Variants in GLE1 observed in about 807,000 individuals in gnomAD.
The protein encoded by GLE1 is GLE1 RNA export mediator.
GLE1 carries 78 observed loss-of-function variants against 97.3 expected under a neutral mutation model. The observed-to-expected ratio is 0.80, with a 90% CI of 0.67 to 0.97. The LOEUF (loss-of-function observed/expected upper bound fraction) is 0.97, where lower values mean the gene tolerates loss of function less well. Among genes scored for constraint, GLE1 ranks in the 50% least tolerant of loss-of-function variants. The pLI is 0.00. For synonymous variants in GLE1, 302 were observed against 313.4 expected (o/e 0.96, Z 0.39); for missense variants, 753 against 857.5 (o/e 0.88, Z 1.52).
intron 15 of GLE1, 113 bp from the exon 16 acceptor site, chr9:128,540,989 C>T: frequency 2.6e-6 from 2 of 765,530 alleles, no homozygotes; most frequent in Admixed American, 1.8e-5. Flanking sequence ...CCTTTTTGTT[C>T]ACTGTTCCAT....
chr9:128,521,228 G>A (rs1847142963), intron 3 of GLE1, among the ~76,000 whole-genome samples: 1 of 152,056 alleles, frequency 6.6e-6, no homozygotes, highest in South Asian at 2.1e-4. Context: ...TTCTTTCGCT[G>A]GAAGCTTTAA....
At chr9:128,530,082 C>T (rs573046220) in intron 9 of GLE1, among the ~76,000 whole-genome samples, 24 of 152,272 alleles carry the variant, frequency 1.6e-4, no homozygotes, top group Admixed American at 3.3e-4. Flanking sequence ...AGGCATGAGC[C>T]ACTGTGCCCG....
At position 128,541,225 on chromosome 9, in the gene GLE1, C is replaced by T; in HGVS notation, c.*55C>T. 1.1e-6 allele frequency: 1 copy of T among 950,576 alleles called. No individual in the cohort carries two copies. The highest frequency in any genetic ancestry group is 2.1e-4 in the Middle Eastern group (1 of 4,792). The allele number at this position is 950,576 out of a possible 1,614,324, so 58.9% of individuals were successfully genotyped here. A position where few individuals can be genotyped will look rare whatever the true frequency, so the allele number is the denominator to read the frequency against. ...CTGCAAAGAGGCAATAATAAAGGAACTGAAGACAGCTGTATTTGGGAGAAG... is the reference window on the plus strand; with the variant it reads ...CTGCAAAGAGGCAATAATAAAGGAATTGAAGACAGCTGTATTTGGGAGAAG... On this transcript the variant is annotated 3_prime_UTR_variant, in exon 16 of 16. Coordinates refer to ENST00000309971, the MANE Select transcript of GLE1 (RefSeq NM_001003722.2).
intron 9 of GLE1, among the ~76,000 whole-genome samples, chr9:128,532,209 C>CTTTTTTTT (rs1160924908): frequency 4.1e-5 from 2 of 49,358 alleles, no homozygotes; most frequent in African/African-American, 7.7e-5. Context: ...ATCTGCTTTG[C>CTTTTTTTT]TTTTTTTTTT....
intron 11 of GLE1, 139 bp downstream of exon 11, chr9:128,534,090 G>A (rs946714478): frequency 1.1e-5 from 8 of 727,498 alleles, no homozygotes; most frequent in African/African-American, 5.2e-5. Flanking sequence ...TCTTTCGGCC[G>A]GGTGCAGTGG....
chr9:128,536,862 C>A, intron 12 of GLE1: 1 of 218,106 alleles, frequency 4.6e-6, no homozygotes, highest in Admixed American at 5.2e-5. Context: ...GCTCAGAAAG[C>A]TGCAGCTGGG....
intron 7 of GLE1, among the ~76,000 whole-genome samples, chr9:128,526,319 C>T (rs1011463597): frequency 1.3e-5 from 2 of 151,744 alleles, no homozygotes; most frequent in Non-Finnish European, 2.9e-5. Flanking sequence ...CGCACCCAGC[C>T]TGGGAGTCTA....
At chr9:128,521,377 T>A (rs1166417443) in intron 3 of GLE1, among the ~76,000 whole-genome samples, 1 of 151,752 alleles carries the variant, frequency 6.6e-6, no homozygotes, top group African/African-American at 2.4e-5. Flanking sequence ...CTATAAAAAA[T>A]TTAAAAATTA....
chr9:128,541,014 G>A lies in GLE1; in HGVS notation c.2029-88G>A, dbSNP rs950936367. The A allele has an allele frequency of 1.5e-5, 12 of 824,344 alleles. No individual in the cohort carries two copies. The African/African-American group carries it at 1.8e-4, about 13-fold the overall frequency. 51.1% of individuals were successfully genotyped at this position (824,344 alleles called of 1,614,324 possible). ...CACTGTTCCATAGGGCTGAAATATG[G>A]TGTTCCTCAAAGCTTCTTTTAACCA... On this transcript the variant is annotated intron_variant, in intron 15 of 15. Coordinates refer to ENST00000309971, the MANE Select transcript of GLE1 (RefSeq NM_001003722.2).
chr9:128,538,197 A>G, intron 13 of GLE1, 107 bp downstream of exon 13: 1 of 720,152 alleles, frequency 1.4e-6, no homozygotes, highest in South Asian at 1.5e-5. Flanking sequence ...CTGATAGTAA[A>G]ACAGCATGAG....
intron 10 of GLE1, 51 bp from the exon 11 acceptor site, chr9:128,533,710 C>T (rs1402239151): frequency 6.2e-7 from 1 of 1,612,510 alleles, no homozygotes. Context: ...TACAAGATTT[C>T]AGCCTTTTTC....
intron 3 of GLE1, among the ~76,000 whole-genome samples, chr9:128,519,876 C>A (rs1357700844): frequency 6.6e-6 from 1 of 152,162 alleles, no homozygotes; most frequent in Non-Finnish European, 1.5e-5. Flanking sequence ...TTTAAAATTT[C>A]TCTCTTTTGT....
chr9:128,527,402 T>G, intron 8 of GLE1, 54 bp from the exon 9 acceptor site: 1 of 1,357,154 alleles, frequency 7.4e-7, no homozygotes, highest in Non-Finnish European at 1.1e-6. Context: ...TGATTCTAAG[T>G]GACATCTACT....
At chr9:128,513,597 C>T (rs917777484) in intron 2 of GLE1, among the ~76,000 whole-genome samples, 5 of 151,716 alleles carry the variant, frequency 3.3e-5, no homozygotes, top group Admixed American at 3.3e-4. Context: ...ACGGTCCCAG[C>T]TACTCAGAAG....
At chr9:128,523,444 T>C (rs1847209747) in intron 5 of GLE1, 104 bp downstream of exon 5, 4 of 1,382,048 alleles carry the variant, frequency 2.9e-6, no homozygotes, top group Non-Finnish European at 4.1e-6. Flanking sequence ...CTGGGCCGTA[T>C]TATGCCTGTG....
In GLE1 at chr9:128,523,774, C is replaced by T. The variant is rs1399563523; in HGVS notation, c.825C>T (p.Asp275=). Residue 275 remains aspartate (D), a synonymous_variant, in exon 6 of 16, where the codon GAC becomes GAT. Transcript: ENST00000309971. ...AGCACAAAGCCCTGCTTAAGGTCGA[C>T]CTGGCTGCCTTCCAGACCCGAGGCA... ...SEQHKALLKV[D]LAAFQTRGNQ... 3 of 1,614,074 alleles carry T rather than the reference C, an allele frequency of 1.9e-6. No homozygotes were observed. The East Asian group carries it at 6.7e-5, about 36-fold the overall frequency.
At position 128,525,361 on chromosome 9, in the gene GLE1, G is replaced by C. The variant is rs755503078; in HGVS notation, c.1067G>C (p.Gly356Ala). 6.2e-7 allele frequency: 1 copy of C among 1,613,212 alleles called. No homozygotes were observed. The highest frequency in any genetic ancestry group is 8.5e-7 in the Non-Finnish European group (1 of 1,179,596). Residue 356 changes from glycine (G) to alanine (A), a missense_variant, in exon 7 of 16, where the codon GGA becomes GCA. Transcript: ENST00000309971. ...CTGCAAGAGGCACAGATGCAGCAGG[G>C]ACCAGAGGCCCACAAAGAGCCCCCA... Reference protein sequence around the residue: ...VKLQEAQMQQGPEAHKEPPAP... With the variant: ...VKLQEAQMQQAPEAHKEPPAP...
chr9:128,516,555 G>A (rs752318327), intron 3 of GLE1, among the ~76,000 whole-genome samples: 1 of 151,934 alleles, frequency 6.6e-6, no homozygotes, highest in Non-Finnish European at 1.5e-5. Flanking sequence ...TTCTGACCTC[G>A]TGATCTGCCC....
chr9:128,515,875 C>T (rs550883249), intron 3 of GLE1, among the ~76,000 whole-genome samples: 2 of 152,022 alleles, frequency 1.3e-5, no homozygotes, highest in Non-Finnish European at 2.9e-5. Context: ...TTTCTGGCTT[C>T]CATTTACTTC....
Sources: allele counts gnomAD v4.1 joint callset (sites outside exome capture counted in the v4.1 genomes callset), GRCh38; gene constraint gnomAD v4.1.1; transcripts MANE v1.5; gene names NCBI Gene and HGNC (gene_info 2026-07-23, HGNC 2026-07-21).